Variants in PEAK3 observed in about 807,000 individuals in gnomAD.
PEAK3 encodes the protein PEAK family member 3.
PEAK3 carries 15 observed loss-of-function variants against 13.3 expected under a neutral mutation model. That is an observed-to-expected ratio of 1.13 (90% CI 0.75 to 1.73). The LOEUF (loss-of-function observed/expected upper bound fraction) is 1.73, where lower values mean the gene tolerates loss of function less well. Ranked by LOEUF, PEAK3 falls within the 40% of genes most tolerant of loss-of-function variation. The probability of loss-of-function intolerance (pLI) is 0.00; values close to 1 mark genes in which losing one functional copy is unlikely to be tolerated. For missense variants in PEAK3, 739 were observed against 690.2 expected, an observed-to-expected ratio of 1.07 and a Z score of -0.79; for synonymous variants, 347 against 341.9, an observed-to-expected ratio of 1.01 and a Z score of -0.17.
Position 2,275,747 on chromosome 19 carries a change from C to T in PEAK3, c.1355G>A (p.Cys452Tyr), listed in dbSNP as rs761941721. 35 of 1,580,630 alleles carry T rather than the reference C, an allele frequency of 2.2e-5. No homozygotes were observed. Among genetic ancestry groups the T allele is most frequent in the Non-Finnish European group, 2.9e-5 (34 of 1,166,168 alleles). ...GGTGGCCTCGGCCAGGTATTCGCAA[C>T]ACAGCCAGTCCTCGAGGCTGGGAGC... ...GEAPSLEDWL[C>Y]CEYLAEATES... is the part of the protein sequence containing the mutation. The change falls in exon 4 of 4, where the codon TGT becomes TAT. Residue 452 changes from cysteine (C) to tyrosine (Y), a missense_variant. Cys to Tyr is a radical substitution (Grantham distance 194). Transcript: ENST00000342063.
chr19:2,275,904 A>C lies in PEAK3; in HGVS notation c.1198T>G (p.Trp400Gly). ...RTRGALQALLWGPGPELRGRG... is the reference protein window; with the variant it reads ...RTRGALQALLGGPGPELRGRG... ...CCGCGCAGCTCAGGCCCGGGCCCCCAGAGCAGCGCCTGCAGCGCGCCCCGC... is the reference window on the plus strand; with the variant it reads ...CCGCGCAGCTCAGGCCCGGGCCCCCCGAGCAGCGCCTGCAGCGCGCCCCGC... The change falls in exon 4 of 4, where the codon TGG becomes GGG. Residue 400 changes from tryptophan (W) to glycine (G), a missense_variant. Transcript: ENST00000342063. 2.9e-6 allele frequency: 4 copies of C among 1,386,308 alleles called. No individual in the cohort carries two copies. The highest frequency in any genetic ancestry group is 3.7e-6 in the Non-Finnish European group (4 of 1,078,072). 85.9% of individuals were successfully genotyped at this position (1,386,308 alleles called of 1,614,324 possible).
In PEAK3 at chr19:2,278,868, C is replaced by T. The variant is rs1445651506; in HGVS notation, c.328G>A (p.Ala110Thr). The stretch of plus-strand genomic sequence containing the variant: ...TCAGCCGGGCCAAAGGTCAGCTCTG[C>T]AGGGAGACAGGCTGGTCCCACTGCA... ...QAAVGPACLP[A>T]ELTFGPADAP... The change falls in exon 3 of 4, where the codon GCA (alanine) becomes ACA (threonine). Residue 110 changes from alanine (A) to threonine (T), a missense_variant. By Grantham distance (58) the Ala-to-Thr change is moderately conservative. Coordinates refer to ENST00000342063, the MANE Select transcript of PEAK3 (RefSeq NM_198532.3). 3.1e-6 allele frequency: 5 copies of T among 1,598,036 alleles called. No individual in the cohort carries two copies. The highest frequency in any genetic ancestry group is 1.3e-5 in the African/African-American group (1 of 74,786).
intron 3 of PEAK3, among the ~76,000 whole-genome samples, chr19:2,278,117 C>A (rs2025407140): frequency 6.6e-6 from 1 of 151,762 alleles, no homozygotes; most frequent in African/African-American, 2.4e-5. Flanking sequence ...CCCGCCTCGG[C>A]CTCCCAAAGT....
At chr19:2,280,598 C>T (rs1383973224) in intron 2 of PEAK3, among the ~76,000 whole-genome samples, 1 of 152,054 alleles carries the variant, frequency 6.6e-6, no homozygotes, top group Non-Finnish European at 1.5e-5. Context: ...GATCCACCTG[C>T]CTCAGCCTCC....
In PEAK3 at chr19:2,275,606, T is replaced by C. The variant is rs956040797; in HGVS notation, c.*74A>G. 3.9e-6 allele frequency: 5 copies of C among 1,271,568 alleles called. No individual in the cohort carries two copies. The highest frequency in any genetic ancestry group is 3.9e-5 in the Admixed American group (1 of 25,430). The allele number at this position is 1,271,568 out of a possible 1,614,324, so 78.8% of individuals were successfully genotyped here. On this transcript the variant is annotated 3_prime_UTR_variant, in exon 4 of 4. Coordinates refer to ENST00000342063, the MANE Select transcript of PEAK3 (RefSeq NM_198532.3). Reference sequence around the variant, plus strand: ...CAGGAAGAGGGTGTCTTGGCTATCATGGAGACGCTGACCTCAGCCCCAGCC... The same window carrying C: ...CAGGAAGAGGGTGTCTTGGCTATCACGGAGACGCTGACCTCAGCCCCAGCC...
chr19:2,278,371 G>A (rs1159766889), intron 3 of PEAK3, among the ~76,000 whole-genome samples: 1 of 122,632 alleles, frequency 8.2e-6, no homozygotes, highest in Non-Finnish European at 1.6e-5. Flanking sequence ...ATGTTGGCCA[G>A]GCTGGTCTTG....
At chr19:2,276,565 C>G (rs984389237) in intron 3 of PEAK3, 76 bp from the exon 4 acceptor site, 34 of 1,284,820 alleles carry the variant, frequency 2.6e-5, no homozygotes, top group Non-Finnish European at 3.5e-5. Context: ...TGCTACCTGC[C>G]CCGAAGCCTC....
At chr19:2,276,521 TCACTGGGCCCCC>T in intron 3 of PEAK3, 32 bp from the exon 4 acceptor site, 1 of 1,450,840 alleles carries the variant, frequency 6.9e-7, no homozygotes, top group Non-Finnish European at 9.0e-7. Flanking sequence ...GGGGCCTGGA[TCACTGGGCCCCC>T]CACAAGCACC....
Position 2,280,866 on chromosome 19 carries a change from G to C in PEAK3, c.66C>G (p.Pro22=), listed in dbSNP as rs749444997. ...GCTGCTTACCAAGGTTGCTATACGT[G>C]GGCTGAGTCGACCAGGTGGGGTTGT... ...EPDNPTWSTQ[P]TYSNLGQIRA... is the part of the protein sequence containing the mutation. The change falls in exon 2 of 4, where the codon CCC becomes CCG. Residue 22 remains proline (P), a synonymous_variant. Coordinates refer to ENST00000342063, the MANE Select transcript of PEAK3 (RefSeq NM_198532.3). 1 of 1,607,036 alleles carries C rather than the reference G, an allele frequency of 6.2e-7. No homozygotes were observed. The highest frequency in any genetic ancestry group is 1.1e-5 in the South Asian group (1 of 90,600).
rs1412282154 is a variant in PEAK3, at chr19:2,275,955, G to C, written c.1147C>G (p.Arg383Gly). ...GTCCGGGACGCCGAGGGCCGCAAGC[G>C]GGTCAGCTGTGCTGCCAGGAGCTCC... ...GLELLAAQLT[R>G]LRPSASRTRG... Residue 383 changes from arginine to glycine, a missense_variant, in exon 4 of 4, where the codon CGC becomes GGC. Physicochemically the swap from Arg to Gly is moderately radical, Grantham distance 125. Coordinates refer to ENST00000342063, the MANE Select transcript of PEAK3 (RefSeq NM_198532.3). 1.4e-6 allele frequency: 2 copies of C among 1,398,948 alleles called. No homozygotes were observed. Among genetic ancestry groups the C allele is most frequent in the Non-Finnish European group, 1.8e-6 (2 of 1,083,676 alleles). 86.7% of individuals were successfully genotyped at this position (1,398,948 alleles called of 1,614,324 possible).
rs1240019769 is a variant in PEAK3 at position 2,275,913 on chromosome 19, C to T, written c.1189G>A (p.Ala397Thr). 7.3e-7 allele frequency: 1 copy of T among 1,376,890 alleles called. No homozygotes were observed. The highest frequency in any genetic ancestry group is 9.3e-7 in the Non-Finnish European group (1 of 1,072,884). The allele number at this position is 1,376,890 out of a possible 1,614,324, so 85.3% of individuals were successfully genotyped here. A position where few individuals can be genotyped will look rare whatever the true frequency, so the allele number is the denominator to read the frequency against. The change falls in exon 4 of 4, where the codon GCG (alanine) becomes ACG (threonine). Residue 397 changes from alanine to threonine, a missense_variant. Transcript: ENST00000342063. Reference protein sequence around the residue: ...SASRTRGALQALLWGPGPELR... With the variant: ...SASRTRGALQTLLWGPGPELR... Reference sequence around the variant, plus strand: ...TCAGGCCCGGGCCCCCAGAGCAGCGCCTGCAGCGCGCCCCGCGTCCGGGAC... The same window carrying T: ...TCAGGCCCGGGCCCCCAGAGCAGCGTCTGCAGCGCGCCCCGCGTCCGGGAC...
Position 2,276,357 on chromosome 19 carries a change from C to T in PEAK3, c.745G>A (p.Gly249Ser), listed in dbSNP as rs1355897239. The T allele has an allele frequency of 1.2e-5, 19 of 1,599,672 alleles. No homozygotes were observed. Among genetic ancestry groups the T allele is most frequent in the Non-Finnish European group, 1.6e-5 (19 of 1,178,868 alleles). Residue 249 changes from glycine to serine, a missense_variant, in exon 4 of 4, where the codon GGC becomes AGC. Physicochemically the swap from Gly to Ser is moderately conservative, Grantham distance 56 (BLOSUM62 0). Coordinates refer to ENST00000342063, the MANE Select transcript of PEAK3 (RefSeq NM_198532.3). Reference sequence around the variant, plus strand: ...ACCTCGGCTGCCAGCGCCACTGCGCCTCTCCAGGGCGCCCCGGGCAGTGTG... The same window carrying T: ...ACCTCGGCTGCCAGCGCCACTGCGCTTCTCCAGGGCGCCCCGGGCAGTGTG... The part of the protein sequence containing the change: ...EGTLPGAPWR[G>S]AVALAAEVPE...
At position 2,279,151 on chromosome 19, in the gene PEAK3, C is replaced by T. The variant is rs936693769; in HGVS notation, c.83-38G>A. 67 of 1,382,338 alleles carry T rather than the reference C, an allele frequency of 4.8e-5. 1 individual carries two copies. The South Asian group carries it at 8.3e-4, about 17-fold the overall frequency. The allele number at this position is 1,382,338 out of a possible 1,614,324, so 85.6% of individuals were successfully genotyped here. On this transcript the variant is annotated intron_variant, in intron 2 of 3. Coordinates refer to ENST00000342063, the MANE Select transcript of PEAK3 (RefSeq NM_198532.3). ...ACAGTGGGGGAGGGTTGAGGACAGG[C>T]GGAGTGGGAACGGGACACGTGACTC...
In PEAK3 at chr19:2,276,485, G is replaced by C; in HGVS notation, c.617C>G (p.Pro206Arg). Residue 206 changes from proline (P) to arginine (R), a missense_variant, in exon 4 of 4, where the codon CCC becomes CGC. Coordinates refer to ENST00000342063, the MANE Select transcript of PEAK3 (RefSeq NM_198532.3). ...GTGGGGCACGTCCGCCCCGGGCTTG[G>C]GCACCTGCAAGGCAGAGGGGGTGTC... ...DAWHILVAKV[P>R]KPGADVPHPW... The C allele has an allele frequency of 6.5e-7, 1 of 1,531,600 alleles. No individual in the cohort carries two copies. Among genetic ancestry groups the C allele is most frequent in the East Asian group, 2.3e-5 (1 of 43,514 alleles). The allele number at this position is 1,531,600 out of a possible 1,614,324, so 94.9% of individuals were successfully genotyped here. A position where few individuals can be genotyped will look rare whatever the true frequency, so the allele number is the denominator to read the frequency against.
chr19:2,275,839 C>G lies in PEAK3; in HGVS notation c.1263G>C (p.Gly421=). The G allele has an allele frequency of 6.7e-7, 1 of 1,500,142 alleles. No individual in the cohort carries two copies. Among genetic ancestry groups the G allele is most frequent in the Non-Finnish European group, 8.8e-7 (1 of 1,130,516 alleles). 92.9% of individuals were successfully genotyped at this position (1,500,142 alleles called of 1,614,324 possible). A position where few individuals can be genotyped will look rare whatever the true frequency, so the allele number is the denominator to read the frequency against. The change falls in exon 4 of 4, where the codon GGG becomes GGC. Residue 421 remains glycine (G), a synonymous_variant. Coordinates refer to ENST00000342063, the MANE Select transcript of PEAK3 (RefSeq NM_198532.3). ...APLGPWLRAL[G]PWLRVRRGLL... is the part of the protein sequence containing the mutation. ...GCCCGCGGCGCACCCGCAGCCAGGG[C>G]CCGAGCGCTCGGAGCCAGGGACCAA...
Position 2,274,958 on chromosome 19 carries a change from A to C in PEAK3, c.*722T>G, listed in dbSNP as rs1390091293. 3 of 126,684 alleles carry C rather than the reference A, an allele frequency of 2.4e-5. No individual in the cohort carries two copies. The highest frequency in any genetic ancestry group is 7.6e-5 in the African/African-American group (3 of 39,454). The allele number at this position is 126,684 out of a possible 1,614,324, so 7.8% of individuals were successfully genotyped here. A position where few individuals can be genotyped will look rare whatever the true frequency, so the allele number is the denominator to read the frequency against. ...AAAAAAAAAAAAAAAAAAAAAGAAA[A>C]AGAAAGTGGAACTGGAACAGTATGG... On this transcript the variant is annotated 3_prime_UTR_variant, in exon 4 of 4. Coordinates refer to ENST00000342063, the MANE Select transcript of PEAK3 (RefSeq NM_198532.3).
intron 2 of PEAK3, among the ~76,000 whole-genome samples, chr19:2,280,053 CTTTTTTTTTTT>C (rs34177687): frequency 8.2e-5 from 3 of 36,786 alleles, no homozygotes; most frequent in African/African-American, 4.0e-4. Context: ...TGCACCTGGC[CTTTTTTTTTTT>C]TTTTTTTTTT....
intron 2 of PEAK3, 41 bp downstream of exon 2, chr19:2,280,809 C>G (rs1301226842): frequency 1.3e-6 from 2 of 1,531,698 alleles, no homozygotes; most frequent in Admixed American, 1.9e-5. Context: ...CTGCCGCTCC[C>G]TGCACCCCCG....
intron 3 of PEAK3, among the ~76,000 whole-genome samples, chr19:2,277,941 G>T (rs951020999): frequency 6.7e-6 from 1 of 148,854 alleles, no homozygotes; most frequent in African/African-American, 2.5e-5. Context: ...TCGGCTCACC[G>T]CAAGCTCTGC....
Sources: allele counts gnomAD v4.1 joint callset (sites outside exome capture counted in the v4.1 genomes callset), GRCh38; gene constraint gnomAD v4.1.1; transcripts MANE v1.5; gene names NCBI Gene and HGNC (gene_info 2026-07-23, HGNC 2026-07-21).